The following SDK1 variants were observed in gnomAD, a reference collection of about 807,000 sequenced individuals.
SDK1 encodes the protein sidekick cell adhesion molecule 1.
Under a neutral mutation model 245.5 loss-of-function variants are expected in SDK1, and 157 were observed. That is an observed-to-expected ratio of 0.64 (90% confidence interval 0.56 to 0.73). The LOEUF is 0.73. SDK1 is among the 30% of genes least tolerant of loss of function. The pLI, the probability that SDK1 is intolerant of heterozygous loss-of-function variation, is 0.00. For missense variants in SDK1, 3,583 were observed against 3,002.3 expected (o/e 1.19, Z -4.52); for synonymous variants, 1,647 against 1,278.5 (o/e 1.29, Z -6.15).
At chr7:3,815,324 G>T (rs574458069) in intron 4 of SDK1, among the ~76,000 whole-genome samples, 1 of 104,220 alleles carries the variant, frequency 9.6e-6, no homozygotes, top group Non-Finnish European at 1.9e-5. Context: ...TTAGCATGAA[G>T]GGTTGTTGAA....
chr7:3,431,967 C>G (rs1326008976), intron 1 of SDK1, among the ~76,000 whole-genome samples: 1 of 151,614 alleles, frequency 6.6e-6, no homozygotes, highest in Non-Finnish European at 1.5e-5. Context: ...CTGTGATTAA[C>G]AAATGTTAAA....
At chr7:3,472,131 G>C (rs1781203798) in intron 1 of SDK1, among the ~76,000 whole-genome samples, 1 of 152,066 alleles carries the variant, frequency 6.6e-6, no homozygotes, top group Non-Finnish European at 1.5e-5. Flanking sequence ...GTTGTGGGTT[G>C]GTAAATGCAT....
In SDK1 at chr7:3,333,062, G is replaced by A. The variant is rs189907821; in HGVS notation, c.298+31178G>A. 3.1e-3 allele frequency among the ~76,000 whole-genome samples: 473 copies of A among 152,186 alleles called. 2 individuals are homozygous for A. Among genetic ancestry groups the A allele is most frequent in the Non-Finnish European group, 5.3e-3 (360 of 68,000 alleles). On this transcript the variant is annotated intron_variant, in intron 1 of 44. Coordinates refer to ENST00000404826, the MANE Select transcript of SDK1 (RefSeq NM_152744.4). ...CCAAGAAAGGAGAAGCTGCTACTTG[G>A]GGCATTGTGTTTGACTTTGGTATTC... is the stretch of plus-strand genomic sequence containing the variant.
At chr7:3,820,491 A>T (rs970843690) in intron 4 of SDK1, among the ~76,000 whole-genome samples, 10 of 152,196 alleles carry the variant, frequency 6.6e-5, no homozygotes, top group Non-Finnish European at 1.5e-4. Flanking sequence ...CCACCTCTTT[A>T]ACTGGCAAAA....
chr7:3,947,685 T>C (rs1780635058), intron 5 of SDK1, among the ~76,000 whole-genome samples: 1 of 151,332 alleles, frequency 6.6e-6, no homozygotes, highest in Admixed American at 6.6e-5. Context: ...CTTTTTAAAA[T>C]ATACACATAT....
chr7:3,403,847 A>ATATAT (rs1554266447), intron 1 of SDK1, among the ~76,000 whole-genome samples: 6 of 99,922 alleles, frequency 6.0e-5, no homozygotes, highest in African/African-American at 1.0e-4. Context: ...ATATATATAT[A>ATATAT]TATATATATA....
At chr7:3,571,310 A>AT (rs1037407098) in intron 1 of SDK1, among the ~76,000 whole-genome samples, 6 of 151,214 alleles carry the variant, frequency 4.0e-5, no homozygotes, top group Admixed American at 2.0e-4. Flanking sequence ...TTAATTTTTA[A>AT]TTTTTTTTTG....
intron 22 of SDK1, 62 bp downstream of exon 22, chr7:4,079,646 G>C: frequency 1.2e-6 from 2 of 1,600,196 alleles, no homozygotes; most frequent in East Asian, 2.2e-5. Context: ...GCCTGTGAAT[G>C]AGTGGTACCC....
intron 1 of SDK1, among the ~76,000 whole-genome samples, chr7:3,327,280 G>C (rs932846754): frequency 5.9e-5 from 9 of 152,168 alleles, no homozygotes; most frequent in Non-Finnish European, 1.2e-4. Flanking sequence ...GGAAGAGGCT[G>C]ATGAATGGAG....
chr7:3,962,016 C>CACGTACGT (rs1271702586), intron 8 of SDK1, among the ~76,000 whole-genome samples: 1 of 152,070 alleles, frequency 6.6e-6, no homozygotes, highest in Non-Finnish European at 1.5e-5. Context: ...CACATGTAAA[C>CACGTACGT]ACGTAGACAC....
At chr7:3,480,749 G>A (rs917444178) in intron 1 of SDK1, among the ~76,000 whole-genome samples, 2 of 152,164 alleles carry the variant, frequency 1.3e-5, no homozygotes, top group African/African-American at 2.4e-5. Flanking sequence ...TTTATTTTAC[G>A]TTGACAGGGG....
At chr7:4,162,039 G>A (rs181866588) in intron 32 of SDK1, among the ~76,000 whole-genome samples, 183 bp downstream of exon 32, 221 of 152,184 alleles carry the variant, frequency 1.5e-3, no homozygotes, top group African/African-American at 4.5e-3. Flanking sequence ...TATCATCTCG[G>A]TGTAATTTCC....
intron 17 of SDK1, among the ~76,000 whole-genome samples, chr7:4,036,814 C>T (rs1788254053): frequency 6.6e-6 from 1 of 152,172 alleles, no homozygotes; most frequent in African/African-American, 2.4e-5. Flanking sequence ...GAATCTGCCT[C>T]AGTCTTGGCC....
intron 4 of SDK1, among the ~76,000 whole-genome samples, chr7:3,647,779 C>T (rs1045533270): frequency 3.3e-5 from 5 of 151,930 alleles, no homozygotes; most frequent in African/African-American, 1.2e-4. Context: ...CTACATTTGG[C>T]CTCTTGGTAT....
chr7:3,607,201 A>G (rs1445924715), intron 1 of SDK1, among the ~76,000 whole-genome samples: 1 of 151,464 alleles, frequency 6.6e-6, no homozygotes, highest in African/African-American at 2.4e-5. Flanking sequence ...GCTGCTGCTG[A>G]TCATTTCCTT....
In SDK1 at chr7:4,237,777, C is replaced by G. The variant is rs759743733; in HGVS notation, c.6123C>G (p.Cys2041Trp). ...LHGQNKKYKN[C>W]STGKGISTME... Reference sequence around the variant, plus strand: ...GGCAGAATAAGAAGTATAAGAACTGCAGCACAGGTGCAGGTCCAGCCCCTT... The same window carrying G: ...GGCAGAATAAGAAGTATAAGAACTGGAGCACAGGTGCAGGTCCAGCCCCTT... The change falls in exon 42 of 45, where the codon TGC becomes TGG. Residue 2041 changes from cysteine (C) to tryptophan (W), a missense_variant. By Grantham distance (215) the Cys-to-Trp change is radical. Coordinates refer to ENST00000404826, the MANE Select transcript of SDK1 (RefSeq NM_152744.4). The G allele has an allele frequency of 6.2e-7, 1 of 1,614,132 alleles. No individual in the cohort carries two copies. The highest frequency in any genetic ancestry group is 1.1e-5 in the South Asian group (1 of 91,082).
At chr7:3,323,911 A>G (rs1444596138) in intron 1 of SDK1, among the ~76,000 whole-genome samples, 1 of 152,198 alleles carries the variant, frequency 6.6e-6, no homozygotes, top group Non-Finnish European at 1.5e-5. Context: ...AGCCAGTAAA[A>G]TGTCATCTTC....
chr7:3,808,360 G>A (rs1290733620), intron 4 of SDK1, among the ~76,000 whole-genome samples: 1 of 152,170 alleles, frequency 6.6e-6, no homozygotes, highest in Non-Finnish European at 1.5e-5. Context: ...TATGTCCAAA[G>A]CCAGCAGGTT....
At chr7:3,430,699 C>T (rs932828195) in intron 1 of SDK1, among the ~76,000 whole-genome samples, 15 of 152,280 alleles carry the variant, frequency 9.9e-5, no homozygotes, top group Admixed American at 6.5e-4. Context: ...AACTGGAGTT[C>T]GTTAGGTATC....
Sources: allele counts gnomAD v4.1 joint callset (sites outside exome capture counted in the v4.1 genomes callset), GRCh38; gene constraint gnomAD v4.1.1; transcripts MANE v1.5; gene names NCBI Gene and HGNC (gene_info 2026-07-23, HGNC 2026-07-21).